Variants in TMPRSS11F observed in about 807,000 individuals in gnomAD.
The protein encoded by TMPRSS11F is transmembrane serine protease 11F, also known as transmembrane protease serine 11F.
TMPRSS11F carries 47 observed loss-of-function variants against 60.2 expected under a neutral mutation model. The ratio of observed to expected loss-of-function variants is 0.78; its 90% CI spans 0.62 to 1.00. The LOEUF is 1.00. Among genes scored for constraint, TMPRSS11F ranks in the 50% least tolerant of loss-of-function variants. The probability of loss-of-function intolerance (pLI) is 0.00; values close to 1 mark genes in which losing one functional copy is unlikely to be tolerated. For synonymous variants in TMPRSS11F, 166 were observed against 167.3 expected (o/e 0.99, Z 0.06); for missense variants, 519 against 522.9 (o/e 0.99, Z 0.07).
intron 8 of TMPRSS11F, 42 bp downstream of exon 8, chr4:68,064,643 A>G: frequency 6.3e-7 from 1 of 1,595,650 alleles, no homozygotes; most frequent in Non-Finnish European, 8.5e-7. Flanking sequence ...GTTTGATCTC[A>G]AGACATTCTT....
intron 1 of TMPRSS11F, among the ~76,000 whole-genome samples, chr4:68,107,127 C>T (rs1307660700): frequency 6.6e-6 from 1 of 152,152 alleles, no homozygotes; most frequent in African/African-American, 2.4e-5. Flanking sequence ...CTCAAGAAGA[C>T]TTTATAGTTA....
intron 1 of TMPRSS11F, among the ~76,000 whole-genome samples, chr4:68,120,628 T>C (rs915118181): frequency 6.6e-6 from 1 of 151,978 alleles, no homozygotes; most frequent in Admixed American, 6.5e-5. Flanking sequence ...GACCTCGTGA[T>C]CCGCCCGCCT....
At chr4:68,108,760 G>C (rs956949584) in intron 1 of TMPRSS11F, among the ~76,000 whole-genome samples, 1 of 152,172 alleles carries the variant, frequency 6.6e-6, no homozygotes, top group African/African-American at 2.4e-5. Context: ...CTTCAGAAGA[G>C]GTAGAAAAGG....
At chr4:68,069,593 A>G (rs1257888812) in intron 6 of TMPRSS11F, among the ~76,000 whole-genome samples, 4 of 151,510 alleles carry the variant, frequency 2.6e-5, no homozygotes, top group Non-Finnish European at 5.9e-5. Flanking sequence ...AATGTACATA[A>G]CAGATATTTC....
intron 6 of TMPRSS11F, 49 bp from the exon 7 acceptor site, chr4:68,068,868 A>C (rs142036201): frequency 1.3e-6 from 2 of 1,588,646 alleles, no homozygotes; most frequent in African/African-American, 1.3e-5. Flanking sequence ...GGAGGAAAAA[A>C]GTATATTCTG....
At chr4:68,094,639 A>G (rs1028056796) in intron 2 of TMPRSS11F, among the ~76,000 whole-genome samples, 7 of 151,872 alleles carry the variant, frequency 4.6e-5, no homozygotes, top group African/African-American at 1.4e-4. Context: ...TGGGAGAATA[A>G]TATTTTGTGG....
intron 3 of TMPRSS11F, 94 bp from the exon 4 acceptor site, chr4:68,074,103 T>A: frequency 1.3e-6 from 1 of 742,168 alleles, no homozygotes; most frequent in Non-Finnish European, 2.1e-6. Context: ...AGAAAAGTGT[T>A]ATTCCTTGTC....
chr4:68,081,496 T>C (rs1374414207), intron 3 of TMPRSS11F, among the ~76,000 whole-genome samples: 1 of 152,198 alleles, frequency 6.6e-6, no homozygotes, highest in Non-Finnish European at 1.5e-5. Context: ...TACTGGATGC[T>C]CCCAAGGGGA....
intron 3 of TMPRSS11F, among the ~76,000 whole-genome samples, chr4:68,076,649 A>C (rs1417803840): frequency 1.3e-5 from 2 of 152,320 alleles, no homozygotes; most frequent in East Asian, 1.9e-4. Context: ...CTCAATCCAG[A>C]CCAGAGTCCT....
chr4:68,096,622 G>C (rs533791064), intron 2 of TMPRSS11F, among the ~76,000 whole-genome samples: 1 of 152,238 alleles, frequency 6.6e-6, no homozygotes, highest in South Asian at 2.1e-4. Context: ...AAAAGTCACT[G>C]ATTTTATTAA....
At chr4:68,070,890 T>C (rs1393167803) in intron 5 of TMPRSS11F, among the ~76,000 whole-genome samples, 1 of 152,148 alleles carries the variant, frequency 6.6e-6, no homozygotes, top group African/African-American at 2.4e-5. Flanking sequence ...AAAATACATG[T>C]ATGTGGCAGA....
At chr4:68,083,175 C>G (rs916918572) in intron 3 of TMPRSS11F, among the ~76,000 whole-genome samples, 1 of 152,184 alleles carries the variant, frequency 6.6e-6, no homozygotes, top group African/African-American at 2.4e-5. Context: ...TACCCCACAA[C>G]CTGCTCTGAC....
chr4:68,116,830 T>C (rs1302217271), intron 1 of TMPRSS11F, among the ~76,000 whole-genome samples: 2 of 152,156 alleles, frequency 1.3e-5, no homozygotes, highest in Admixed American at 1.3e-4. Context: ...ACACCTTTCA[T>C]AAAAATCAAC....
intron 3 of TMPRSS11F, among the ~76,000 whole-genome samples, chr4:68,082,439 C>G (rs1723716142): frequency 6.6e-6 from 1 of 152,222 alleles, no homozygotes; most frequent in Non-Finnish European, 1.5e-5. Flanking sequence ...CCTCTGCTGA[C>G]CGCAGGGCCA....
intron 1 of TMPRSS11F, among the ~76,000 whole-genome samples, chr4:68,127,800 A>C (rs1189887116): frequency 6.6e-6 from 1 of 152,172 alleles, no homozygotes; most frequent in Admixed American, 6.5e-5. Flanking sequence ...AGAAAAAAAT[A>C]AAATTAATAC....
At position 68,124,497 on chromosome 4, in the gene TMPRSS11F, G is replaced by A. The variant is rs113581558; in HGVS notation, c.11+5313C>T. Among the ~76,000 whole-genome samples the A allele has an allele frequency of 3.5e-3, 540 of 152,204 alleles. 8 individuals are homozygous for A. Among genetic ancestry groups the A allele is most frequent in the African/African-American group, 0.013 (522 of 41,516 alleles). Reference sequence around the variant, plus strand: ...CAGAGCAAAACCCGGGCGACCAAGCGGAAACTTCAGCCTTAAAGAAAAAGA... The same window carrying A: ...CAGAGCAAAACCCGGGCGACCAAGCAGAAACTTCAGCCTTAAAGAAAAAGA... On this transcript the variant is annotated intron_variant, in intron 1 of 9. Coordinates refer to ENST00000356291, the MANE Select transcript of TMPRSS11F (RefSeq NM_207407.2).
chr4:68,120,628 T>A (rs915118181), intron 1 of TMPRSS11F, among the ~76,000 whole-genome samples: 6 of 152,096 alleles, frequency 3.9e-5, no homozygotes, highest in Non-Finnish European at 7.4e-5. Flanking sequence ...GACCTCGTGA[T>A]CCGCCCGCCT....
intron 3 of TMPRSS11F, among the ~76,000 whole-genome samples, chr4:68,082,764 C>T (rs552681474): frequency 6.6e-6 from 1 of 152,254 alleles, no homozygotes; most frequent in African/African-American, 2.4e-5. Flanking sequence ...GAAGAGCCCC[C>T]ACTCTCAGAA....
intron 4 of TMPRSS11F, among the ~76,000 whole-genome samples, chr4:68,073,421 G>C (rs1723519684): frequency 6.6e-6 from 1 of 151,944 alleles, no homozygotes. Flanking sequence ...AAGAAAAGGA[G>C]AAAGGGAAAG....
Sources: allele counts gnomAD v4.1 joint callset (sites outside exome capture counted in the v4.1 genomes callset), GRCh38; gene constraint gnomAD v4.1.1; transcripts MANE v1.5; gene names NCBI Gene and HGNC (gene_info 2026-07-23, HGNC 2026-07-21).